The following TLN2 variants were observed in gnomAD, a reference collection of about 807,000 sequenced individuals.
TLN2 encodes the protein talin 2, also known as talin-2.
In TLN2, 118 loss-of-function variants were observed where a neutral mutation model predicts 294.7. That is an observed-to-expected ratio of 0.40 (90% CI 0.34 to 0.47). TLN2 has a LOEUF of 0.47. TLN2 is among the 20% of genes least tolerant of loss of function. TLN2 has a pLI of 0.84. For synonymous variants in TLN2, 1,431 were observed against 1,304.5 expected, an observed-to-expected ratio of 1.10 and a Z score of -2.09; for missense variants, 3,083 against 3,282.2, an observed-to-expected ratio of 0.94 and a Z score of 1.48.
intron 1 of TLN2, among the ~76,000 whole-genome samples, chr15:62,568,683 C>G (rs934660077): frequency 2.6e-5 from 4 of 152,164 alleles, no homozygotes; most frequent in Admixed American, 1.3e-4. Context: ...AACACCTTCT[C>G]TCTTGACCCT....
At chr15:62,503,390 C>G (rs1003553031) in intron 1 of TLN2, among the ~76,000 whole-genome samples, 10 of 152,144 alleles carry the variant, frequency 6.6e-5, no homozygotes, top group Non-Finnish European at 1.3e-4. Context: ...TTATTCTACC[C>G]TGAGCTCGAA....
At chr15:62,647,114 T>A (rs2051964832) in intron 3 of TLN2, among the ~76,000 whole-genome samples, 161 bp from the exon 4 acceptor site, 1 of 152,244 alleles carries the variant, frequency 6.6e-6, no homozygotes, top group South Asian at 2.1e-4. Context: ...CAAAATTGAT[T>A]TGTAAAATTT....
intron 6 of TLN2, among the ~76,000 whole-genome samples, chr15:62,652,469 G>A (rs1371841887): frequency 3.3e-5 from 5 of 152,234 alleles, no homozygotes; most frequent in Admixed American, 6.5e-5. Context: ...GAGTACTTAC[G>A]ATGACAGCCC....
At chr15:62,406,265 G>A (rs2033398409) in intron 1 of TLN2, among the ~76,000 whole-genome samples, 1 of 152,180 alleles carries the variant, frequency 6.6e-6, no homozygotes, top group Non-Finnish European at 1.5e-5. Flanking sequence ...GCCTCTCTGT[G>A]TTTCTTGTAG....
chr15:62,626,924 C>T (rs937306059), intron 3 of TLN2, among the ~76,000 whole-genome samples: 9 of 152,128 alleles, frequency 5.9e-5, no homozygotes, highest in Non-Finnish European at 7.3e-5. Context: ...TTAGTTGTAG[C>T]GCAAGGACGA....
chr15:62,823,223 A>G (rs2067733575), intron 54 of TLN2, among the ~76,000 whole-genome samples: 1 of 152,202 alleles, frequency 6.6e-6, no homozygotes, highest in Non-Finnish European at 1.5e-5. Flanking sequence ...AGAGGTGGAT[A>G]TTATCTATGA....
chr15:62,532,486 G>C (rs140285543), intron 1 of TLN2, among the ~76,000 whole-genome samples: 12,471 of 152,114 alleles, frequency 0.082, 1,120 homozygotes, highest in African/African-American at 0.23. Context: ...AGCCAGCAGT[G>C]AACTGCTCTC....
At chr15:62,546,161 G>C (rs2041982686) in intron 1 of TLN2, among the ~76,000 whole-genome samples, 2 of 152,210 alleles carry the variant, frequency 1.3e-5, no homozygotes, top group South Asian at 4.1e-4. Flanking sequence ...GGTCGGCACT[G>C]ATTTCTGTCT....
At chr15:62,651,371 G>T (rs1298199570) in intron 5 of TLN2, among the ~76,000 whole-genome samples, 1 of 151,992 alleles carries the variant, frequency 6.6e-6, no homozygotes, top group Non-Finnish European at 1.5e-5. Flanking sequence ...AAAATTGAAG[G>T]TGACTCTAGG....
chr15:62,780,660 C>G (rs2064085668), intron 43 of TLN2, among the ~76,000 whole-genome samples: 1 of 152,194 alleles, frequency 6.6e-6, no homozygotes, highest in South Asian at 2.1e-4. Context: ...CCCGATTGTG[C>G]TCATAAAGAA....
At chr15:62,523,633 A>T (rs2040579761) in intron 1 of TLN2, among the ~76,000 whole-genome samples, 1 of 152,260 alleles carries the variant, frequency 6.6e-6, no homozygotes, top group East Asian at 1.9e-4. Flanking sequence ...TAATTGATAT[A>T]TCAAATGGGC....
rs191965875 is a variant in TLN2 at position 62,466,142 on chromosome 15, C to G, written c.-238+75457C>G. Among the ~76,000 whole-genome samples, 13 of 152,278 alleles carry G rather than the reference C, an allele frequency of 8.5e-5. No individual in the cohort carries two copies. The East Asian group carries it at 1.9e-3, about 23-fold the overall frequency. ...GCTGCCAGCCTGGAGAGCAGCCGTACTTTAAGCCCTGAATAATTAATGGTT... is the reference window on the plus strand; with the variant it reads ...GCTGCCAGCCTGGAGAGCAGCCGTAGTTTAAGCCCTGAATAATTAATGGTT... On this transcript the variant is annotated intron_variant, in intron 1 of 58. Transcript: ENST00000636159.
At chr15:62,837,359 A>C (rs953940260) in intron 57 of TLN2, among the ~76,000 whole-genome samples, 2 of 152,188 alleles carry the variant, frequency 1.3e-5, no homozygotes, top group African/African-American at 2.4e-5. Flanking sequence ...GACCTGGTTC[A>C]AGTCCTGCTT....
chr15:62,683,743 C>T (rs2057056707), intron 11 of TLN2, among the ~76,000 whole-genome samples: 1 of 152,180 alleles, frequency 6.6e-6, no homozygotes, highest in Admixed American at 6.5e-5. Context: ...TGGGTCTTCA[C>T]TGGTGCCTGC....
At position 62,708,552 on chromosome 15, in the gene TLN2, A is replaced by G. The variant is rs780521437; in HGVS notation, c.2223A>G (p.Glu741=). Residue 741 remains glutamate (E), a synonymous_variant, in exon 21 of 59, where the codon GAA becomes GAG. Coordinates refer to ENST00000636159, the MANE Select transcript of TLN2 (RefSeq NM_015059.3). ...SSPVCQEQLI[E]AGKLVDRSVE... is the part of the protein sequence containing the mutation. The stretch of plus-strand genomic sequence containing the variant: ...CTGTGTGCCAGGAGCAGCTGATTGA[A>G]GCAGGGAAGCTGGTGGACCGCTCGG... 3 of 1,614,144 alleles carry G rather than the reference A, an allele frequency of 1.9e-6. No individual in the cohort carries two copies. The highest frequency in any genetic ancestry group is 1.6e-4 in the Middle Eastern group (1 of 6,062).
In TLN2 at chr15:62,670,482, A is replaced by G. The variant is rs543408212; in HGVS notation, c.789-3345A>G. ...TTTTTGCCCATGGAGTTGCTTAATG[A>G]TAATTTTAATATCTAAACTGCTGCA... On this transcript the variant is annotated intron_variant, in intron 9 of 58. Coordinates refer to ENST00000636159, the MANE Select transcript of TLN2 (RefSeq NM_015059.3). 7.2e-5 allele frequency among the ~76,000 whole-genome samples: 11 copies of G among 152,294 alleles called. No homozygotes were observed. The South Asian group carries it at 2.3e-3, about 32-fold the overall frequency.
chr15:62,691,398 A>G (rs1444840664), intron 12 of TLN2, among the ~76,000 whole-genome samples: 1 of 151,954 alleles, frequency 6.6e-6, no homozygotes, highest in Non-Finnish European at 1.5e-5. Flanking sequence ...GAGTTTTAAA[A>G]TTTTGGTTAT....
intron 1 of TLN2, among the ~76,000 whole-genome samples, chr15:62,394,295 C>T (rs955603660): frequency 3.9e-5 from 6 of 152,230 alleles, no homozygotes; most frequent in African/African-American, 1.4e-4. Flanking sequence ...ATTATTGCTC[C>T]AGAACTTTTG....
chr15:62,805,743 C>T lies in TLN2; in HGVS notation c.6621C>T (p.Asn2207=). ...CRQEDVIATA[N]LSRKAVSDML... is the part of the protein sequence containing the mutation. ...AGGAGGACGTGATTGCTACTGCCAA[C>T]CTGAGCCGGAAAGCCGTGTCAGATA... is the stretch of plus-strand genomic sequence containing the variant. The change falls in exon 51 of 59, where the codon AAC becomes AAT. Residue 2207 remains asparagine, a synonymous_variant. Transcript: ENST00000636159. The T allele has an allele frequency of 4.3e-6, 7 of 1,614,066 alleles. No individual in the cohort carries two copies. Among genetic ancestry groups the T allele is most frequent in the Non-Finnish European group, 5.9e-6 (7 of 1,179,964 alleles).
Sources: gnomAD v4.1 joint callset for allele counts (sites outside exome capture counted in the v4.1 genomes callset) on GRCh38, gnomAD v4.1.1 for gene constraint, MANE v1.5 for transcripts, NCBI Gene and HGNC (gene_info 2026-07-23, HGNC 2026-07-21) for gene names.